The following LIPA variants were observed in gnomAD, a reference collection of about 807,000 sequenced individuals.
LIPA encodes the protein lipase A, lysosomal acid type.
Under a neutral mutation model 40.6 loss-of-function variants are expected in LIPA, and 26 were observed. That is an observed-to-expected ratio of 0.64 (90% CI 0.47 to 0.89). The LOEUF is 0.89. Among genes scored for constraint, LIPA ranks in the 40% least tolerant of loss-of-function variants. The pLI is 0.00. For synonymous variants in LIPA, 188 were observed against 168.4 expected, an observed-to-expected ratio of 1.12 and a Z score of -0.90; for missense variants, 455 against 479.6, an observed-to-expected ratio of 0.95 and a Z score of 0.48.
At chr10:89,327,097 T>C (rs1843606621) in intron 1 of LIPA, among the ~76,000 whole-genome samples, 1 of 152,190 alleles carries the variant, frequency 6.6e-6, no homozygotes. Context: ...TTATTATCAA[T>C]AGAAAGGAAT....
chr10:89,381,927 G>T (rs897857572), intron 2 of LIPA, among the ~76,000 whole-genome samples: 2 of 151,608 alleles, frequency 1.3e-5, no homozygotes, highest in African/African-American at 4.8e-5. Context: ...CTGGGACAAC[G>T]CTGGCTAATT....
At chr10:89,381,192 C>T (rs1844160402) in intron 2 of LIPA, among the ~76,000 whole-genome samples, 1 of 152,142 alleles carries the variant, frequency 6.6e-6, no homozygotes, top group Non-Finnish European at 1.5e-5. Flanking sequence ...ATTCCAGCAG[C>T]TCTAGAGTAA....
At chr10:89,246,769 T>C (rs992214521) in intron 2 of LIPA, among the ~76,000 whole-genome samples, 9 of 152,242 alleles carry the variant, frequency 5.9e-5, no homozygotes, top group African/African-American at 2.2e-4. Flanking sequence ...CGAGTGGTTA[T>C]TTTTGCATAT....
At chr10:89,413,837 G>C (rs960556443) in intron 1 of LIPA, among the ~76,000 whole-genome samples, 1 of 151,468 alleles carries the variant, frequency 6.6e-6, no homozygotes, top group African/African-American at 2.4e-5. Context: ...TTTGAATACA[G>C]ACATTAACTC....
At chr10:89,346,033 C>A (rs142613187), upstream of LIPA, among the ~76,000 whole-genome samples, 1 of 152,098 alleles carries the variant, frequency 6.6e-6, no homozygotes, top group Non-Finnish European at 1.5e-5. Flanking sequence ...ATTTTTAAAA[C>A]GACAAAAAAC....
At chr10:89,389,233 G>A (rs1259195524) in intron 2 of LIPA, among the ~76,000 whole-genome samples, 4 of 152,132 alleles carry the variant, frequency 2.6e-5, no homozygotes, top group Admixed American at 6.5e-5. Flanking sequence ...AATGAAAAAC[G>A]TGAGGAAAAT....
intron 2 of LIPA, chr10:89,402,242 T>C: frequency 7.4e-7 from 1 of 1,353,370 alleles, no homozygotes; most frequent in Non-Finnish European, 1.0e-6. Flanking sequence ...TTTTAGCTGT[T>C]CCTCACCTAA....
chr10:89,296,542 T>C (rs1589592365), intron 1 of LIPA, among the ~76,000 whole-genome samples: 8 of 150,192 alleles, frequency 5.3e-5, no homozygotes, highest in African/African-American at 2.0e-4. Context: ...GAAAAGGAAC[T>C]TGAAACTCTT....
chr10:89,356,127 C>A (rs1843987114), intron 2 of LIPA, among the ~76,000 whole-genome samples: 1 of 152,132 alleles, frequency 6.6e-6, no homozygotes, highest in Admixed American at 6.6e-5. Flanking sequence ...TCCAAGAACC[C>A]CCTTTTTGAG....
chr10:89,344,585 C>G (rs1053876255), upstream of LIPA, among the ~76,000 whole-genome samples: 8 of 149,522 alleles, frequency 5.4e-5, no homozygotes, highest in African/African-American at 2.0e-4. Flanking sequence ...TTGTTTTGGG[C>G]TGAAATTCTC....
At chr10:89,328,664 C>T (rs1257629232) in intron 1 of LIPA, among the ~76,000 whole-genome samples, 1 of 152,174 alleles carries the variant, frequency 6.6e-6, no homozygotes, top group East Asian at 1.9e-4. Context: ...TACAAATGGG[C>T]ATTTTTGTCA....
At chr10:89,272,301 A>C (rs1228304074) in intron 1 of LIPA, among the ~76,000 whole-genome samples, 2 of 150,746 alleles carry the variant, frequency 1.3e-5, no homozygotes, top group African/African-American at 4.9e-5. Context: ...CTATGTGTCC[A>C]TGTGTTCTCA....
chr10:89,378,382 C>T (rs565188369), intron 2 of LIPA, among the ~76,000 whole-genome samples: 1 of 152,156 alleles, frequency 6.6e-6, no homozygotes, highest in South Asian at 2.1e-4. Context: ...TGCAGGGCAG[C>T]GGGAAGAGGC....
At chr10:89,383,228 A>G in intron 2 of LIPA, 1 of 1,111,870 alleles carries the variant, frequency 9.0e-7, no homozygotes. Flanking sequence ...AAATTAGGAT[A>G]GAGCATATTT....
At chr10:89,232,989 C>G (rs1471408117) in intron 3 of LIPA, among the ~76,000 whole-genome samples, 1 of 152,250 alleles carries the variant, frequency 6.6e-6, no homozygotes, top group Non-Finnish European at 1.5e-5. Flanking sequence ...GGTGGCTGTG[C>G]AGCTTCTAAG....
intron 1 of LIPA, among the ~76,000 whole-genome samples, chr10:89,296,867 T>C (rs1008946563): frequency 6.6e-6 from 1 of 152,208 alleles, no homozygotes; most frequent in Admixed American, 6.5e-5. Flanking sequence ...AATACATTTC[T>C]TCTATCATTA....
chr10:89,225,686 A>G (rs1285645924), intron 5 of LIPA, among the ~76,000 whole-genome samples: 1 of 152,156 alleles, frequency 6.6e-6, no homozygotes. Flanking sequence ...TTTAAAATAT[A>G]TTTTAACCCT....
intron 3 of LIPA, among the ~76,000 whole-genome samples, chr10:89,234,276 G>A (rs1842877933): frequency 6.6e-6 from 1 of 152,192 alleles, no homozygotes; most frequent in African/African-American, 2.4e-5. Flanking sequence ...GAACCACTAG[G>A]AAAAGTCCAG....
chr10:89,226,158 T>C (rs1348438806), intron 5 of LIPA, among the ~76,000 whole-genome samples: 3 of 152,136 alleles, frequency 2.0e-5, no homozygotes, highest in Non-Finnish European at 4.4e-5. Flanking sequence ...AGAAGAAATA[T>C]AAATAAAGAA....
Sources: gnomAD v4.1 joint callset for allele counts (sites outside exome capture counted in the v4.1 genomes callset) on GRCh38, gnomAD v4.1.1 for gene constraint, MANE v1.5 for transcripts, NCBI Gene and HGNC (gene_info 2026-07-23, HGNC 2026-07-21) for gene names.